The following LVRN variants were observed in gnomAD, a reference collection of about 807,000 sequenced individuals.
The protein encoded by LVRN is aminopeptidase Q.
In LVRN, 99 loss-of-function variants were observed where a neutral mutation model predicts 111.4. The observed-to-expected ratio is 0.89, with a 90% CI of 0.76 to 1.05. The LOEUF (loss-of-function observed/expected upper bound fraction) is 1.05. LVRN is among the 50% of genes least tolerant of loss of function. The pLI is 0.00. For synonymous variants in LVRN, 488 were observed against 449.5 expected (o/e 1.09, Z -1.08); for missense variants, 1,414 against 1,206.8 (o/e 1.17, Z -2.54).
In LVRN at chr5:115,962,539, C is replaced by T. The variant is rs1350547922; in HGVS notation, c.-79C>T. On this transcript the variant is annotated 5_prime_UTR_variant, in exon 1 of 20. Transcript: ENST00000357872. ...AAGAGAGGAGGGGCAGGGGTCGCAG[C>T]ACTGAACACCCTGGCCGGGGTTTTG... 9.8e-6 allele frequency: 13 copies of T among 1,328,324 alleles called. No homozygotes were observed. The highest frequency in any genetic ancestry group is 1.3e-5 in the Non-Finnish European group (12 of 952,026). 82.3% of individuals were successfully genotyped at this position (1,328,324 alleles called of 1,614,324 possible).
chr5:116,027,128 C>T lies in LVRN; in HGVS notation c.*1010C>T, dbSNP rs1166957794. On this transcript the variant is annotated 3_prime_UTR_variant, in exon 20 of 20. Transcript: ENST00000357872. The stretch of plus-strand genomic sequence containing the variant: ...TTACTTTACACATTTTCATCAGTCC[C>T]AATGTATGGAATTAGCTTAGTTTTC... 2 of 152,178 alleles carry T rather than the reference C, an allele frequency of 1.3e-5. No homozygotes were observed. The highest frequency in any genetic ancestry group is 4.8e-5 in the African/African-American group (2 of 41,436). 9.4% of individuals were successfully genotyped at this position (152,178 alleles called of 1,614,324 possible).
chr5:115,964,660 G>C (rs11954993), intron 1 of LVRN, among the ~76,000 whole-genome samples: 6,812 of 151,568 alleles, frequency 0.045, 250 homozygotes, highest in African/African-American at 0.094. Context: ...CTCTTCCTTG[G>C]TCCTGTTTCA....
rs138601377 is a variant in LVRN at position 115,962,879 on chromosome 5, C to A, written c.262C>A (p.Arg88=). The A allele has an allele frequency of 4.9e-5, 79 of 1,613,112 alleles. No homozygotes were observed. The African/African-American group carries it at 9.2e-4, about 19-fold the overall frequency. ...LAVTTTPSNW[R]PPGPWDQLRL... ...GGTGACGACCACCCCGAGCAACTGG[C>A]GACCCCCGGGGCCCTGGGACCAGCT... The change falls in exon 1 of 20, where the codon CGA becomes AGA. Residue 88 remains arginine (R), a synonymous_variant. Transcript: ENST00000357872.
chr5:115,965,364 T>G (rs534868396), intron 1 of LVRN, among the ~76,000 whole-genome samples: 1 of 152,276 alleles, frequency 6.6e-6, no homozygotes, highest in Admixed American at 6.5e-5. Flanking sequence ...GGAGATAGGT[T>G]GACAACAATG....
At chr5:116,014,679 A>T in intron 16 of LVRN, 152 bp downstream of exon 16, 1 of 663,036 alleles carries the variant, frequency 1.5e-6, no homozygotes, top group Non-Finnish European at 2.6e-6. Flanking sequence ...TTTTTAAAAA[A>T]CCAGTGTTTA....
At chr5:116,015,528 C>T in intron 17 of LVRN, 100 bp from the exon 18 acceptor site, 1 of 1,480,048 alleles carries the variant, frequency 6.8e-7, no homozygotes. Context: ...CGTATTTGTG[C>T]TTCACTACCT....
In LVRN at chr5:115,963,251, G is replaced by T. The variant is rs769418809; in HGVS notation, c.634G>T (p.Val212Leu). ...YELQLSFSGL[V>L]KEDLREGLFL... The stretch of plus-strand genomic sequence containing the variant: ...GCTGCAGCTTAGCTTCTCGGGCCTG[G>T]TGAAGGAAGACCTCAGGGAGGGACT... The change falls in exon 1 of 20, where the codon GTG (valine) becomes TTG (leucine). Residue 212 changes from valine (V) to leucine (L), a missense_variant. Val to Leu is a conservative substitution (Grantham distance 32). Coordinates refer to ENST00000357872, the MANE Select transcript of LVRN (RefSeq NM_173800.5). 4.3e-6 allele frequency: 7 copies of T among 1,612,734 alleles called. No homozygotes were observed. In the African/African-American group the frequency reaches 9.3e-5, roughly 22 times the overall value.
chr5:115,988,767 G>A (rs1158781269), intron 4 of LVRN, among the ~76,000 whole-genome samples: 3 of 152,164 alleles, frequency 2.0e-5, no homozygotes, highest in South Asian at 2.1e-4. Flanking sequence ...AACCAGCCTC[G>A]GCCCATTCAG....
intron 1 of LVRN, among the ~76,000 whole-genome samples, chr5:115,972,131 G>T (rs536833274): frequency 6.6e-6 from 1 of 152,128 alleles, no homozygotes; most frequent in Non-Finnish European, 1.5e-5. Context: ...TGTTTTCACA[G>T]ATACACCACC....
rs113623905 is a variant in LVRN at position 116,012,503 on chromosome 5, A to G, written c.2342+35A>G. 2,893 of 1,258,596 alleles carry G rather than the reference A, an allele frequency of 2.3e-3. 53 individuals carry two copies. The African/African-American group carries it at 0.037, about 16-fold the overall frequency. The allele number at this position is 1,258,596 out of a possible 1,614,324, so 78.0% of individuals were successfully genotyped here. ...TTTTCAGAAGTGATAATTGAATAAA[A>G]TGCATTCATATTAATAGGCTTCCAG... On this transcript the variant is annotated intron_variant, in intron 15 of 19. Transcript: ENST00000357872.
In LVRN at chr5:116,009,831, A is replaced by G. The variant is rs187176679; in HGVS notation, c.2094-910A>G. Among the ~76,000 whole-genome samples the G allele has an allele frequency of 3.5e-4, 54 of 152,312 alleles. No homozygotes were observed. The East Asian group carries it at 9.1e-3, about 26-fold the overall frequency. ...TTGAGAAAGAATCTAATCCTGGTGA[A>G]GAAGCTATGACCATTGCTGAAATGA... is the stretch of plus-strand genomic sequence containing the variant. On this transcript the variant is annotated intron_variant, in intron 13 of 19. Coordinates refer to ENST00000357872, the MANE Select transcript of LVRN (RefSeq NM_173800.5).
At chr5:115,988,048 G>A in intron 4 of LVRN, 109 bp downstream of exon 4, 1 of 1,436,824 alleles carries the variant, frequency 7.0e-7, no homozygotes, top group South Asian at 1.4e-5. Context: ...TCACCATTTA[G>A]CTGCTGGTTT....
chr5:116,025,001 CT>C (rs1259619174), intron 19 of LVRN, among the ~76,000 whole-genome samples: 1 of 152,122 alleles, frequency 6.6e-6, no homozygotes, highest in Non-Finnish European at 1.5e-5. Context: ...TATATTCCCC[CT>C]CCTAGACATA....
At chr5:116,014,736 G>T (rs2112632726) in intron 16 of LVRN, among the ~76,000 whole-genome samples, 1 of 152,268 alleles carries the variant, frequency 6.6e-6, no homozygotes, top group East Asian at 1.9e-4. Flanking sequence ...ACAATGAATT[G>T]TCACCTAGGA....
intron 15 of LVRN, 56 bp from the exon 16 acceptor site, chr5:116,014,364 A>G: frequency 8.3e-7 from 1 of 1,205,894 alleles, no homozygotes; most frequent in East Asian, 2.4e-5. Context: ...TTGGAGGCAG[A>G]GAAAATGAAG....
intron 1 of LVRN, among the ~76,000 whole-genome samples, chr5:115,969,429 C>A (rs10463452): frequency 0.13 from 20,508 of 151,972 alleles, 2,185 homozygotes; most frequent in East Asian, 0.48. Context: ...GTTTTGTTTT[C>A]AATTTCATTA....
chr5:116,005,775 T>C, intron 12 of LVRN, 137 bp from the exon 13 acceptor site: 1 of 727,608 alleles, frequency 1.4e-6, no homozygotes, highest in Non-Finnish European at 2.5e-6. Flanking sequence ...TCAGTAATTG[T>C]TGTTTCTCTG....
chr5:115,984,766 C>A, intron 3 of LVRN, 57 bp downstream of exon 3: 1 of 1,595,788 alleles, frequency 6.3e-7, no homozygotes, highest in Non-Finnish European at 8.6e-7. Flanking sequence ...GATTATTCAT[C>A]TATTCTTTCT....
chr5:116,021,071 A>T (rs1748719071), intron 18 of LVRN: 1 of 152,222 alleles, frequency 6.6e-6, no homozygotes. Context: ...TGAAGTTGAC[A>T]AGAGCAGGAA....
Sources: gnomAD v4.1 joint callset for allele counts (sites outside exome capture counted in the v4.1 genomes callset) on GRCh38, gnomAD v4.1.1 for gene constraint, MANE v1.5 for transcripts, NCBI Gene and HGNC (gene_info 2026-07-23, HGNC 2026-07-21) for gene names.